Variants in TULP4 observed in about 807,000 individuals in gnomAD.
TULP4 encodes tubby-related protein 4.
In TULP4, 16 loss-of-function variants were observed where a neutral mutation model predicts 129.0. The observed-to-expected ratio is 0.12, with a 90% CI of 0.08 to 0.19. The LOEUF (loss-of-function observed/expected upper bound fraction) is 0.19, where lower values mean the gene tolerates loss of function less well. Ranked by LOEUF, TULP4 falls within the 10% of genes least tolerant of loss-of-function variation. The probability of loss-of-function intolerance (pLI) is 1.00; values close to 1 mark genes in which losing one functional copy is unlikely to be tolerated. For missense variants in TULP4, 1,842 were observed against 2,059.1 expected (o/e 0.89, Z 2.04); for synonymous variants, 998 against 854.0 (o/e 1.17, Z -2.94).
intron 1 of TULP4, among the ~76,000 whole-genome samples, chr6:158,298,217 A>G (rs951705796): frequency 1.3e-5 from 2 of 152,142 alleles, no homozygotes; most frequent in Non-Finnish European, 2.9e-5. Flanking sequence ...CTGATTTCAT[A>G]TTGTTCAAAC....
intron 1 of TULP4, among the ~76,000 whole-genome samples, chr6:158,352,226 G>C (rs828009): frequency 0.93 from 142,182 of 152,246 alleles, 66,467 homozygotes; most frequent in Admixed American, 0.96. Context: ...AAATCATGAG[G>C]ACCAGGTTTT....
At chr6:158,278,946 T>G (rs1583699177), upstream of TULP4, among the ~76,000 whole-genome samples, 2 of 148,722 alleles carry the variant, frequency 1.3e-5, no homozygotes, top group African/African-American at 2.5e-5. Flanking sequence ...TTTTTGTTTT[T>G]TTTTTTTTTT....
chr6:158,264,249 C>T (rs542644681), intron 1 of TULP4, among the ~76,000 whole-genome samples: 30 of 152,218 alleles, frequency 2.0e-4, no homozygotes, highest in East Asian at 5.8e-4. Context: ...GAGGTTTTTA[C>T]GGGCTCTGAG....
chr6:158,275,899 T>C (rs983908266), intron 1 of TULP4, among the ~76,000 whole-genome samples: 3 of 152,220 alleles, frequency 2.0e-5, no homozygotes, highest in African/African-American at 4.8e-5. Flanking sequence ...GCTGTGAATA[T>C]AGGAGTATAC....
chr6:158,309,134 T>G (rs1317175852), upstream of TULP4, among the ~76,000 whole-genome samples: 1 of 32,246 alleles, frequency 3.1e-5, no homozygotes, highest in South Asian at 1.8e-3. Flanking sequence ...ATTTCTCAGA[T>G]GGGGCGGCTG....
rs139225755 is a variant in TULP4 at position 158,303,453 on chromosome 6, T to A, written n.117-8598T>A. On this transcript the variant is annotated intron_variant and non_coding_transcript_variant, in intron 1 of 1. Coordinates refer to the TULP4 transcript ENST00000432358. ...TAAGAACAGGGAGTAGGTACAAAGA[T>A]CACATGCTTCAAAGGGTAAAAAGCG... 1.6e-3 allele frequency among the ~76,000 whole-genome samples: 238 copies of A among 152,190 alleles called. 2 individuals carry two copies. Among genetic ancestry groups the A allele is most frequent in the African/African-American group, 5.1e-3 (213 of 41,512 alleles).
chr6:158,454,600 A>G (rs867556068), intron 5 of TULP4, among the ~76,000 whole-genome samples: 1 of 147,032 alleles, frequency 6.8e-6, no homozygotes, highest in Admixed American at 6.8e-5. Flanking sequence ...TTGGAGCAAC[A>G]GTTCTCTCTT....
chr6:158,395,368 G>A (rs1004639524), intron 1 of TULP4, among the ~76,000 whole-genome samples: 1 of 151,928 alleles, frequency 6.6e-6, no homozygotes, highest in South Asian at 2.1e-4. Flanking sequence ...ATCACCTAAG[G>A]TCGGGAGTTT....
At chr6:158,387,751 A>G (rs925490358) in intron 1 of TULP4, among the ~76,000 whole-genome samples, 2 of 152,164 alleles carry the variant, frequency 1.3e-5, no homozygotes, top group African/African-American at 2.4e-5. Context: ...AGCTGTGTCA[A>G]GTTTTTGTGT....
rs553956374 is a variant in TULP4 at position 158,328,794 on chromosome 6, C to T, written c.252+14526C>T. Among the ~76,000 whole-genome samples, 393 of 152,236 alleles carry T rather than the reference C, an allele frequency of 2.6e-3. 13 individuals carry two copies. Among genetic ancestry groups the T allele is most frequent in the Non-Finnish European group, 1.8e-4 (12 of 68,024 alleles). On this transcript the variant is annotated intron_variant, in intron 1 of 13. Transcript: ENST00000367097. Reference sequence around the variant, plus strand: ...GACTCATCTTGTGCAGTTCATTCATCTTCCCGCCTCGCAAGCCAGCAGAGC... The same window carrying T: ...GACTCATCTTGTGCAGTTCATTCATTTTCCCGCCTCGCAAGCCAGCAGAGC...
chr6:158,393,229 G>A (rs929921395), intron 1 of TULP4, among the ~76,000 whole-genome samples: 2 of 152,164 alleles, frequency 1.3e-5, no homozygotes, highest in Non-Finnish European at 2.9e-5. Context: ...CCAAGGCTTT[G>A]GGCAGGTCTG....
intron 1 of TULP4, among the ~76,000 whole-genome samples, chr6:158,332,200 A>AAAT (rs1779922248): frequency 1.7e-4 from 3 of 18,032 alleles, no homozygotes; most frequent in Non-Finnish European, 3.0e-4. Context: ...AAAAAAAAAA[A>AAAT]ATATATATAT....
At chr6:158,240,829 C>A (rs1162608286) in intron 1 of TULP4, among the ~76,000 whole-genome samples, 1 of 150,252 alleles carries the variant, frequency 6.7e-6, no homozygotes, top group Non-Finnish European at 1.5e-5. Context: ...GATGGCATGG[C>A]TGGCTGGGCG....
rs1779416630 is a variant in TULP4, at chr6:158,313,693, A to G, written c.-324A>G. ...AGAAGAAAACCGTTTCTTGATCACC[A>G]CTTAATTAACGATGCTCTTTCTCCA... On this transcript the variant is annotated 5_prime_UTR_variant, in exon 1 of 14. Transcript: ENST00000367097. 2 of 463,944 alleles carry G rather than the reference A, an allele frequency of 4.3e-6. No individual in the cohort carries two copies. The highest frequency in any genetic ancestry group is 5.7e-5 in the South Asian group (1 of 17,672). The allele number at this position is 463,944 out of a possible 1,614,324, so 28.7% of individuals were successfully genotyped here.
intron 5 of TULP4, 55 bp downstream of exon 5, chr6:158,452,323 C>T: frequency 2.5e-6 from 4 of 1,597,896 alleles, no homozygotes; most frequent in Non-Finnish European, 3.4e-6. Context: ...GTGTGCTTGC[C>T]TCAAGGCCGG....
intron 1 of TULP4, among the ~76,000 whole-genome samples, chr6:158,290,938 G>A (rs1041213786): frequency 2.0e-4 from 31 of 152,150 alleles, no homozygotes; most frequent in African/African-American, 7.0e-4. Context: ...CATTTAACCT[G>A]CCTGTGCCTC....
At chr6:158,309,646 C>A (rs890959879), upstream of TULP4, among the ~76,000 whole-genome samples, 1 of 152,102 alleles carries the variant, frequency 6.6e-6, no homozygotes, top group South Asian at 2.1e-4. Context: ...CCCGGCACCT[C>A]GGGAGGCTGA....
At chr6:158,481,730 G>C (rs1298948276) in intron 8 of TULP4, among the ~76,000 whole-genome samples, 1 of 152,162 alleles carries the variant, frequency 6.6e-6, no homozygotes, top group African/African-American at 2.4e-5. Context: ...CTAGTCTACT[G>C]TTAACTGCTT....
chr6:158,438,986 A>T (rs1157592986), intron 3 of TULP4, among the ~76,000 whole-genome samples: 1 of 152,054 alleles, frequency 6.6e-6, no homozygotes, highest in Non-Finnish European at 1.5e-5. Context: ...CTTGGCTAAC[A>T]CGGTGAAACT....
Sources: gnomAD v4.1 joint callset for allele counts (sites outside exome capture counted in the v4.1 genomes callset) on GRCh38, gnomAD v4.1.1 for gene constraint, MANE v1.5 for transcripts, NCBI Gene and HGNC (gene_info 2026-07-23, HGNC 2026-07-21) for gene names.